PNMA3: variants seen among roughly 807,000 people sequenced by gnomAD.
PNMA3 encodes the protein PNMA family member 3.
PNMA3 carries 10 observed loss-of-function variants against 25.1 expected under a neutral mutation model. The observed-to-expected ratio is 0.40, with a 90% confidence interval of 0.25 to 0.68. PNMA3 has a LOEUF of 0.68. Among genes scored for constraint, PNMA3 ranks in the 30% least tolerant of loss-of-function variants. The pLI is 0.40. For missense variants in PNMA3, 317 were observed against 372.1 expected, an observed-to-expected ratio of 0.85 and a Z score of 1.22; for synonymous variants, 134 against 148.7, an observed-to-expected ratio of 0.90 and a Z score of 0.72.
In PNMA3 at chrX:153,056,585, C is replaced by T; in HGVS notation, c.-160C>T. 1 of 125,129 alleles carries T rather than the reference C, an allele frequency of 8.0e-6. No individual in the cohort carries two copies. The highest frequency in any genetic ancestry group is 1.6e-5 in the Non-Finnish European group (1 of 62,057). The allele number at this position is 125,129 out of a possible 1,213,427, so 10.3% of individuals were successfully genotyped here. ...CGCCGCCGCCGCCGCCGCGCATAGC[C>T]CCCGGAGAGCCCTCTGGGGACCCCG... On this transcript the variant is annotated 5_prime_UTR_variant, in exon 1 of 2. Transcript: ENST00000593810.
In PNMA3 at chrX:153,057,286, G is replaced by T; in HGVS notation, c.231G>T (p.Leu77Phe). ...LELAQDIDYA[L>F]LPREIPGKGG... is the part of the protein sequence containing the mutation. ...TGGCACAAGATATCGACTATGCTTT[G>T]CTCCCAAGGGAAATACCAGGAAAGG... Residue 77 changes from leucine (L) to phenylalanine (F), a missense_variant, in exon 2 of 2, where the codon TTG (leucine) becomes TTT (phenylalanine). Transcript: ENST00000593810. 1 of 1,211,830 alleles carries T rather than the reference G, an allele frequency of 8.3e-7. No individual in the cohort carries two copies. Among genetic ancestry groups the T allele is most frequent in the East Asian group, 3.0e-5 (1 of 33,844 alleles).
In PNMA3 at chrX:153,058,315, C is replaced by T. The variant is rs374897376; in HGVS notation, c.1260C>T (p.Asp420=). ...CATTCTGCTATAGCTGTGGGGAAGA[C>T]GGCCACATCAGGGTACAGTGCATCA... ...RHTFCYSCGE[D]GHIRVQCINP... Residue 420 remains aspartate, a synonymous_variant, in exon 2 of 2, where the codon GAC becomes GAT. Transcript: ENST00000593810. The T allele has an allele frequency of 2.7e-5, 33 of 1,210,535 alleles. No homozygotes were observed. The highest frequency in any genetic ancestry group is 1.5e-4 in the Admixed American group (7 of 45,934).
In PNMA3 at chrX:153,058,349, A is replaced by C. The variant is rs2051158865; in HGVS notation, c.1294A>C (p.Asn432His). Residue 432 changes from asparagine (N) to histidine (H), a missense_variant, in exon 2 of 2, where the codon AAC (asparagine) becomes CAC (histidine). Asn to His is a moderately conservative substitution (Grantham distance 68). Transcript: ENST00000593810. ...CAGGGTACAGTGCATCAACCCCTCC[A>C]ACCTGCTCTTGGTAAAGCAGAAGAA... ...HIRVQCINPSNLLLVKQKKQA... is the reference protein window; with the variant it reads ...HIRVQCINPSHLLLVKQKKQA... The C allele has an allele frequency of 1.7e-6, 2 of 1,210,688 alleles. No homozygotes were observed. Among genetic ancestry groups the C allele is most frequent in the Non-Finnish European group, 2.2e-6 (2 of 895,335 alleles).
At position 153,057,112 on chromosome X, in the gene PNMA3, G is replaced by A. The variant is rs202140456; in HGVS notation, c.57G>A (p.Arg19=). The A allele has an allele frequency of 1.1e-5, 13 of 1,210,126 alleles. No homozygotes were observed. The highest frequency in any genetic ancestry group is 1.5e-5 in the Non-Finnish European group (13 of 895,205). ...GGGGGGAACACCTGAACACCCGGAG[G>A]TGCATGCTCATCCTGGGGATCCCCG... ...WCRGEHLNTR[R]CMLILGIPED... The change falls in exon 2 of 2, where the codon AGG becomes AGA. Residue 19 remains arginine (R), a synonymous_variant. Coordinates refer to ENST00000593810, the MANE Select transcript of PNMA3 (RefSeq NM_013364.6).
chrX:153,058,046 C>G lies in PNMA3; in HGVS notation c.991C>G (p.Arg331Gly). Residue 331 changes from arginine to glycine, a missense_variant, in exon 2 of 2, where the codon CGT (arginine) becomes GGT (glycine). Physicochemically the swap from Arg to Gly is moderately radical, Grantham distance 125. Transcript: ENST00000593810. ...TTTCCTGGCCCTGGTGAAGCTCCTG[C>G]GTGAGGAGGAGGAATGGGAGGCCAC... is the stretch of plus-strand genomic sequence containing the variant. ...PGFLALVKLL[R>G]EEEEWEATLG... The G allele has an allele frequency of 8.3e-7, 1 of 1,211,806 alleles. No homozygotes were observed. Among genetic ancestry groups the G allele is most frequent in the Non-Finnish European group, 1.1e-6 (1 of 895,489 alleles).
In PNMA3 at chrX:153,058,537, G is replaced by A. The variant is rs782460196; in HGVS notation, c.*90G>A. ...GGGGAAAGAGAAGCCCAGACAAACA[G>A]CAGATGAGTTGAGTGGGGCAGAGGG... On this transcript the variant is annotated 3_prime_UTR_variant, in exon 2 of 2. Coordinates refer to ENST00000593810, the MANE Select transcript of PNMA3 (RefSeq NM_013364.6). The A allele has an allele frequency of 3.6e-5, 44 of 1,206,001 alleles. No individual in the cohort carries two copies. The East Asian group carries it at 1.2e-3, about 32-fold the overall frequency.
In PNMA3 at chrX:153,057,936, T is replaced by C; in HGVS notation, c.881T>C (p.Leu294Pro). ...VSRRNVNQTR[L>P]KRVLSGATLP... ...CGTAGAAACGTGAATCAGACTCGCC[T>C]GAAACGAGTCTTAAGTGGGGCCACC... is the stretch of plus-strand genomic sequence containing the variant. The change falls in exon 2 of 2, where the codon CTG becomes CCG. Residue 294 changes from leucine to proline, a missense_variant. By Grantham distance (98) the Leu-to-Pro change is moderately conservative (BLOSUM62 -3). Transcript: ENST00000593810. The C allele has an allele frequency of 4.9e-6, 6 of 1,212,652 alleles. No homozygotes were observed. Among genetic ancestry groups the C allele is most frequent in the Non-Finnish European group, 6.7e-6 (6 of 895,690 alleles).
Position 153,058,242 on chromosome X carries a change from G to A in PNMA3, c.1187G>A (p.Gly396Asp). 4.1e-6 allele frequency: 5 copies of A among 1,212,380 alleles called. No individual in the cohort carries two copies. The highest frequency in any genetic ancestry group is 4.5e-6 in the Non-Finnish European group (4 of 895,599). ...RRGRGQHRRG[G>D]VARAGSRGSR... ...GGCAGAGGCCAACACCGAAGGGGTG[G>A]TGTGGCAAGGGCTGGCTCTCGAGGC... The change falls in exon 2 of 2, where the codon GGT becomes GAT. Residue 396 changes from glycine to aspartate, a missense_variant. Transcript: ENST00000593810.
chrX:153,056,885 G>A, intron 1 of PNMA3, 65 bp from the exon 2 acceptor site: 5 of 621,483 alleles, frequency 8.0e-6, no homozygotes, highest in Non-Finnish European at 1.1e-5. Flanking sequence ...GGTGGGGGTG[G>A]GCGTGGATGT....
intron 1 of PNMA3, 40 bp from the exon 2 acceptor site, chrX:153,056,910 G>A (rs2051145782): frequency 1.2e-6 from 1 of 801,975 alleles, no homozygotes; most frequent in East Asian, 3.5e-5. Context: ...GTGCGGAGAG[G>A]TGGGCATTAA....
Position 153,059,420 on chromosome X carries a change from C to G in PNMA3, c.*973C>G, listed in dbSNP as rs2051166797. On this transcript the variant is annotated 3_prime_UTR_variant, in exon 2 of 2. Coordinates refer to ENST00000593810, the MANE Select transcript of PNMA3 (RefSeq NM_013364.6). ...TGGGGAATCCAGCCTGGAGGCATCC[C>G]CTAAGCAGCCAGCCATGGCCTGGGT... The G allele has an allele frequency of 8.1e-6, 1 of 123,267 alleles. No homozygotes were observed. The highest frequency in any genetic ancestry group is 1.9e-5 in the Non-Finnish European group (1 of 53,180). 10.2% of individuals were successfully genotyped at this position (123,267 alleles called of 1,213,427 possible).
At position 153,058,321 on chromosome X, in the gene PNMA3, C is replaced by T. The variant is rs2051158632; in HGVS notation, c.1266C>T (p.His422=). The change falls in exon 2 of 2, where the codon CAC becomes CAT. Residue 422 remains histidine (H), a synonymous_variant. Transcript: ENST00000593810. ...TFCYSCGEDG[H]IRVQCINPSN... ...GCTATAGCTGTGGGGAAGACGGCCA[C>T]ATCAGGGTACAGTGCATCAACCCCT... is the stretch of plus-strand genomic sequence containing the variant. 2 of 1,211,933 alleles carry T rather than the reference C, an allele frequency of 1.7e-6. No individual in the cohort carries two copies. The highest frequency in any genetic ancestry group is 3.0e-5 in the East Asian group (1 of 33,859).
rs782233727 is a variant in PNMA3, at chrX:153,057,164, G to A, written c.109G>A (p.Glu37Lys). 2 of 1,210,403 alleles carry A rather than the reference G, an allele frequency of 1.7e-6. No individual in the cohort carries two copies. Among genetic ancestry groups the A allele is most frequent in the Non-Finnish European group, 2.2e-6 (2 of 895,242 alleles). ...GGACTGTGGCGAGGATGAGTTTGAG[G>A]AGACACTCCAGGAGGCTTGCAGGCA... ...PEDCGEDEFE[E>K]TLQEACRHLG... Residue 37 changes from glutamate (E) to lysine (K), a missense_variant, in exon 2 of 2, where the codon GAG becomes AAG. Transcript: ENST00000593810.
In PNMA3 at chrX:153,058,524, G is replaced by A. The variant is rs1556932531; in HGVS notation, c.*77G>A. 1 of 1,207,760 alleles carries A rather than the reference G, an allele frequency of 8.3e-7. No individual in the cohort carries two copies. The highest frequency in any genetic ancestry group is 1.1e-6 in the Non-Finnish European group (1 of 893,408). ...GATATTGGAAGGAGGGGAAAGAGAA[G>A]CCCAGACAAACAGCAGATGAGTTGA... On this transcript the variant is annotated 3_prime_UTR_variant, in exon 2 of 2. Transcript: ENST00000593810.
Position 153,060,241 on chromosome X carries a change from A to AC in PNMA3, c.*1798dup. 8.2e-6 allele frequency: 1 copy of AC among 122,638 alleles called. No homozygotes were observed. Among genetic ancestry groups the AC allele is most frequent in the Admixed American group, 9.3e-5 (1 of 10,744 alleles). 10.1% of individuals were successfully genotyped at this position (122,638 alleles called of 1,213,427 possible). ...AGTCTACCTTCCTGGCAAGAGGCAG[A>AC]CCCCGGGGCCCTCAGGAAGGAGGGA... On this transcript the variant is annotated 3_prime_UTR_variant, in exon 2 of 2. Transcript: ENST00000593810.
In PNMA3 at chrX:153,058,564, C is replaced by T. The variant is rs1556932551; in HGVS notation, c.*117C>T. 1 of 1,193,369 alleles carries T rather than the reference C, an allele frequency of 8.4e-7. No individual in the cohort carries two copies. The highest frequency in any genetic ancestry group is 1.7e-5 in the African/African-American group (1 of 57,294). ...AGATGAGTTGAGTGGGGCAGAGGGACAGGGCAGCCAGACCAAGGCCAAGCC... is the reference window on the plus strand; with the variant it reads ...AGATGAGTTGAGTGGGGCAGAGGGATAGGGCAGCCAGACCAAGGCCAAGCC... On this transcript the variant is annotated 3_prime_UTR_variant, in exon 2 of 2. Coordinates refer to ENST00000593810, the MANE Select transcript of PNMA3 (RefSeq NM_013364.6).
Position 153,058,713 on chromosome X carries a change from C to A in PNMA3, c.*266C>A. ...GAGGAAAGCAGGGAGCCACTGCATCCAGCACATGGGGTGCCTGGGCCTCAG... is the reference window on the plus strand; with the variant it reads ...GAGGAAAGCAGGGAGCCACTGCATCAAGCACATGGGGTGCCTGGGCCTCAG... On this transcript the variant is annotated 3_prime_UTR_variant, in exon 2 of 2. Coordinates refer to ENST00000593810, the MANE Select transcript of PNMA3 (RefSeq NM_013364.6). 1.2e-6 allele frequency: 1 copy of A among 820,892 alleles called. No individual in the cohort carries two copies. Among genetic ancestry groups the A allele is most frequent in the South Asian group, 2.7e-5 (1 of 37,316 alleles). The allele number at this position is 820,892 out of a possible 1,213,427, so 67.7% of individuals were successfully genotyped here. A position where few individuals can be genotyped will look rare whatever the true frequency, so the allele number is the denominator to read the frequency against.
intron 1 of PNMA3, 126 bp from the exon 2 acceptor site, chrX:153,056,824 G>A (rs782644603): frequency 5.6e-6 from 2 of 359,802 alleles, no homozygotes; most frequent in African/African-American, 2.9e-5. Flanking sequence ...GGGCAGGGGC[G>A]GGGCCTGGCT....
rs1289100136 is a variant in PNMA3 at position 153,057,005 on chromosome X, C to G, written c.-51C>G. 13 of 1,181,790 alleles carry G rather than the reference C, an allele frequency of 1.1e-5. No homozygotes were observed. Among genetic ancestry groups the G allele is most frequent in the East Asian group, 5.9e-5 (2 of 33,669 alleles). Reference sequence around the variant, plus strand: ...CCTAGGAGTTGATCCAGATATGTGCCTCACGCCCTGATCACTCCCCCCAAA... The same window carrying G: ...CCTAGGAGTTGATCCAGATATGTGCGTCACGCCCTGATCACTCCCCCCAAA... On this transcript the variant is annotated 5_prime_UTR_variant, in exon 2 of 2. Transcript: ENST00000593810.
Sources: gnomAD v4.1 joint callset for allele counts on GRCh38, gnomAD v4.1.1 for gene constraint, MANE v1.5 for transcripts, NCBI Gene and HGNC (gene_info 2026-07-23, HGNC 2026-07-21) for gene names.